Variants in VDAC1 observed in about 807,000 individuals in gnomAD.
The protein encoded by VDAC1 is non-selective voltage-gated ion channel VDAC1.
A neutral mutation model predicts 34.7 loss-of-function variants in VDAC1; 10 were observed. The ratio of observed to expected loss-of-function variants is 0.29; its 90% CI spans 0.18 to 0.49. The LOEUF is 0.49. VDAC1 is among the 20% of genes least tolerant of loss of function. The probability of loss-of-function intolerance (pLI) is 0.99; values close to 1 mark genes in which losing one functional copy is unlikely to be tolerated. For synonymous variants in VDAC1, 130 were observed against 136.0 expected (o/e 0.96, Z 0.30); for missense variants, 230 against 347.9 (o/e 0.66, Z 2.69).
intron 5 of VDAC1, among the ~76,000 whole-genome samples, chr5:133,990,310 G>A (rs1580721793): frequency 6.6e-6 from 1 of 152,304 alleles, no homozygotes; most frequent in East Asian, 1.9e-4. Flanking sequence ...CTGAAGAAAT[G>A]AGGCTGGCAA....
At chr5:134,100,711 C>T in the VDAC1 span, among the ~76,000 whole-genome samples, 4 of 152,272 alleles carry the variant, frequency 2.6e-5, no homozygotes, top group Admixed American at 2.6e-4. Flanking sequence ...CTCTCTGTTT[C>T]ACTCCTTTAA....
At chr5:134,096,436 A>G in the VDAC1 span, among the ~76,000 whole-genome samples, 1 of 152,200 alleles carries the variant, frequency 6.6e-6, no homozygotes, top group Non-Finnish European at 1.5e-5. Context: ...GGCAGCTTCT[A>G]GGAGCTGTCT....
At chr5:134,009,342 G>A (rs1257659610), upstream of VDAC1, among the ~76,000 whole-genome samples, 12 of 126,566 alleles carry the variant, frequency 9.5e-5, no homozygotes, top group Non-Finnish European at 1.3e-4. Context: ...TGCAACCTCC[G>A]CCTCCCAGGT....
chr5:134,028,902 C>T, the VDAC1 span, among the ~76,000 whole-genome samples: 3 of 152,304 alleles, frequency 2.0e-5, no homozygotes, highest in South Asian at 6.2e-4. Context: ...TTCCCCTGTC[C>T]TTGAATGTGG....
chr5:134,094,469 G>A, the VDAC1 span, among the ~76,000 whole-genome samples: 14 of 152,198 alleles, frequency 9.2e-5, no homozygotes, highest in African/African-American at 3.1e-4. Flanking sequence ...AGGCCGAGGC[G>A]GGCAGATCAC....
At chr5:134,027,390 G>A in the VDAC1 span, among the ~76,000 whole-genome samples, 4 of 152,168 alleles carry the variant, frequency 2.6e-5, no homozygotes, top group African/African-American at 4.8e-5. Flanking sequence ...GTGTGCAGGC[G>A]CTGTGCCGGG....
Position 133,972,474 on chromosome 5 carries a change from T to A in VDAC1, c.*297A>T. ...ATTTACTCAATATGAATTTACAAAGTGCCTACATATTATCCGCTTCCACTT... is the reference window on the plus strand; with the variant it reads ...ATTTACTCAATATGAATTTACAAAGAGCCTACATATTATCCGCTTCCACTT... On this transcript the variant is annotated 3_prime_UTR_variant, in exon 9 of 9. Transcript: ENST00000265333. The A allele has an allele frequency of 2.2e-6, 1 of 452,038 alleles. No homozygotes were observed. Among genetic ancestry groups the A allele is most frequent in the Non-Finnish European group, 3.9e-6 (1 of 258,392 alleles). The allele number at this position is 452,038 out of a possible 1,614,324, so 28.0% of individuals were successfully genotyped here.
chr5:134,113,813 G>A, the VDAC1 span, among the ~76,000 whole-genome samples: 1 of 152,254 alleles, frequency 6.6e-6, no homozygotes, highest in Admixed American at 6.5e-5. Flanking sequence ...GGGTTAGTCA[G>A]GCCAGGGTCA....
At chr5:133,989,589 A>AC (rs1279337260) in intron 5 of VDAC1, among the ~76,000 whole-genome samples, 2 of 151,490 alleles carry the variant, frequency 1.3e-5, no homozygotes, top group African/African-American at 4.9e-5. Context: ...CAAACTCCTG[A>AC]CCTCAAGCAA....
At chr5:133,980,577 T>A (rs943749552) in intron 6 of VDAC1, 152 bp downstream of exon 6, 1 of 666,942 alleles carries the variant, frequency 1.5e-6, no homozygotes, top group African/African-American at 1.8e-5. Flanking sequence ...CAGCAGGCCA[T>A]GTGGCTCATC....
intron 1 of VDAC1, among the ~76,000 whole-genome samples, chr5:133,995,701 G>A (rs1017738615): frequency 4.6e-5 from 7 of 152,234 alleles, no homozygotes; most frequent in South Asian, 2.1e-4. Flanking sequence ...CAGCTCTGCC[G>A]CTCCGAGAAG....
intron 7 of VDAC1, 114 bp downstream of exon 7, chr5:133,975,757 C>T: frequency 6.7e-7 from 1 of 1,503,082 alleles, no homozygotes; most frequent in Non-Finnish European, 9.0e-7. Context: ...CGGCGCCCAG[C>T]AGCATCTCTC....
chr5:134,073,848 T>C, the VDAC1 span, among the ~76,000 whole-genome samples: 1 of 152,148 alleles, frequency 6.6e-6, no homozygotes, highest in African/African-American at 2.4e-5. Flanking sequence ...ACAAAATTAT[T>C]TTTGTATCTA....
chr5:134,011,639 C>CTT, the VDAC1 span, among the ~76,000 whole-genome samples: 5 of 135,074 alleles, frequency 3.7e-5, no homozygotes, highest in African/African-American at 8.3e-5. Context: ...ATCACAAGTT[C>CTT]TTTTTTTTTT....
At chr5:133,996,506 T>C (rs1345499947) in intron 1 of VDAC1, among the ~76,000 whole-genome samples, 1 of 152,164 alleles carries the variant, frequency 6.6e-6, no homozygotes, top group South Asian at 2.1e-4. Flanking sequence ...CACATCCTTC[T>C]TGGCTCATCA....
chr5:134,017,900 G>A, the VDAC1 span, among the ~76,000 whole-genome samples: 758 of 152,322 alleles, frequency 5.0e-3, 4 homozygotes, highest in African/African-American at 0.017. Context: ...GCAACAGAGC[G>A]AGACTCCGTC....
At chr5:134,055,612 T>TTTGTTTTTTG in the VDAC1 span, among the ~76,000 whole-genome samples, 1 of 97,382 alleles carries the variant, frequency 1.0e-5, no homozygotes, top group African/African-American at 3.5e-5. Flanking sequence ...TTTTTTTTTT[T>TTTGTTTTTTG]TTTTTTTAGT....
the VDAC1 span, among the ~76,000 whole-genome samples, chr5:134,048,207 A>G: frequency 1.3e-5 from 2 of 151,922 alleles, no homozygotes; most frequent in Admixed American, 1.3e-4. Flanking sequence ...TGACCTCGTG[A>G]TCTGCCTGCC....
chr5:134,023,978 CAAAAAA>C, the VDAC1 span, among the ~76,000 whole-genome samples: 1 of 119,724 alleles, frequency 8.4e-6, no homozygotes, highest in Non-Finnish European at 1.8e-5. Flanking sequence ...ACTAAAAATA[CAAAAAA>C]AAAAAAAAAA....
Sources: allele counts gnomAD v4.1 joint callset (sites outside exome capture counted in the v4.1 genomes callset), GRCh38; gene constraint gnomAD v4.1.1; transcripts MANE v1.5; gene names NCBI Gene and HGNC (gene_info 2026-07-23, HGNC 2026-07-21).